CIROZ: variants seen among roughly 807,000 people sequenced by gnomAD.
CIROZ encodes ciliated left-right organizer ZP-N domains-containing protein.
At chr1:10,977,475 T>C in the CIROZ span, among the ~76,000 whole-genome samples, 1 of 152,046 alleles carries the variant, frequency 6.6e-6, no homozygotes, top group South Asian at 2.1e-4. Flanking sequence ...AGAGTAAGAC[T>C]CCATCTCCAA....
At chr1:10,976,082 A>G in the CIROZ span, 1 of 1,263,262 alleles carries the variant, frequency 7.9e-7, no homozygotes, top group South Asian at 1.3e-5. Flanking sequence ...GTCACCCAGC[A>G]GGTTGGTTCT....
the CIROZ span, among the ~76,000 whole-genome samples, chr1:10,961,836 C>T: frequency 7.1e-4 from 108 of 152,186 alleles, no homozygotes; most frequent in Non-Finnish European, 1.3e-3. Flanking sequence ...CTGGTGGTGG[C>T]GCATGCCTGT....
At chr1:10,974,204 G>A in the CIROZ span, among the ~76,000 whole-genome samples, 1 of 152,126 alleles carries the variant, frequency 6.6e-6, no homozygotes, top group African/African-American at 2.4e-5. This position sits in a 1 kb window ranked among gnomAD's most constrained non-coding sequence, Gnocchi z 4.4. Context: ...GGGACTCGTG[G>A]TGCCTCTTTC....
At chr1:10,952,753 C>T in the CIROZ span, among the ~76,000 whole-genome samples, 1 of 152,202 alleles carries the variant, frequency 6.6e-6, no homozygotes, top group Non-Finnish European at 1.5e-5. Context: ...CTCAAGTGAT[C>T]CTCCCACCTT....
chr1:10,977,200 G>T, the CIROZ span, among the ~76,000 whole-genome samples: 1 of 151,972 alleles, frequency 6.6e-6, no homozygotes, highest in Non-Finnish European at 1.5e-5. Flanking sequence ...GCCTCAAAAA[G>T]ATTTTAAATG....
At chr1:10,968,059 T>G in the CIROZ span, among the ~76,000 whole-genome samples, 249 of 152,284 alleles carry the variant, frequency 1.6e-3, 2 homozygotes, top group African/African-American at 5.9e-3. Flanking sequence ...CTCTGGAGGC[T>G]GAAGCAGAAG....
the CIROZ span, chr1:10,966,271 A>AGT: frequency 7.2e-7 from 1 of 1,386,382 alleles, no homozygotes; most frequent in East Asian, 2.5e-5. Flanking sequence ...ATAATGGTGC[A>AGT]GTGTCTCCTT....
the CIROZ span, among the ~76,000 whole-genome samples, chr1:10,955,399 C>T: frequency 3.2e-4 from 49 of 152,244 alleles, 1 homozygote; most frequent in South Asian, 9.8e-3. Context: ...AAAGACCATT[C>T]CCAAACACCT....
At chr1:10,976,845 C>T in the CIROZ span, among the ~76,000 whole-genome samples, 1 of 152,080 alleles carries the variant, frequency 6.6e-6, no homozygotes, top group Admixed American at 6.6e-5. Flanking sequence ...GTGAAAAGAT[C>T]ATCCTCAAAA....
the CIROZ span, chr1:10,957,227 G>A: frequency 2.5e-5 from 19 of 749,044 alleles, no homozygotes; most frequent in East Asian, 5.1e-4. Context: ...AGCCCCAAGT[G>A]TTACAAAGCC....
the CIROZ span, chr1:10,954,237 T>C: frequency 7.3e-6 from 10 of 1,377,312 alleles, no homozygotes; most frequent in Non-Finnish European, 8.8e-6. Context: ...AGGCGGATCA[T>C]GAGGTCAGGA....
chr1:10,978,150 T>C, the CIROZ span, among the ~76,000 whole-genome samples: 1 of 142,798 alleles, frequency 7.0e-6, no homozygotes, highest in Non-Finnish European at 1.5e-5. Flanking sequence ...CCAGCCTGGG[T>C]GACAAGAACA....
At chr1:10,969,837 A>C in the CIROZ span, 13 of 1,307,316 alleles carry the variant, frequency 9.9e-6, no homozygotes, top group Non-Finnish European at 1.2e-5. Flanking sequence ...CTGTGGGGGG[A>C]GGTGGCCTTT....
chr1:10,947,695 C>T, the CIROZ span: 1 of 1,527,576 alleles, frequency 6.5e-7, no homozygotes, highest in Non-Finnish European at 8.8e-7. Context: ...AGCCCCTCCA[C>T]ACTGTCTTGA....
the CIROZ span, chr1:10,948,115 G>C: frequency 6.2e-7 from 1 of 1,613,498 alleles, no homozygotes. Flanking sequence ...GGGTCTGGCT[G>C]CCTCACACTT....
At chr1:10,976,334 TTTC>T in the CIROZ span, 9 of 957,648 alleles carry the variant, frequency 9.4e-6, no homozygotes, top group Non-Finnish European at 1.4e-5. Flanking sequence ...ACTCATTATA[TTTC>T]TTTTTTTTTT....
the CIROZ span, among the ~76,000 whole-genome samples, chr1:10,976,949 G>A: frequency 0.043 from 6,584 of 152,228 alleles, 466 homozygotes; most frequent in African/African-American, 0.15. Context: ...CTTGAGCCCA[G>A]GAGTTCAAGA....
chr1:10,949,469 G>A, the CIROZ span: 1 of 861,426 alleles, frequency 1.2e-6, no homozygotes, highest in Non-Finnish European at 1.8e-6. Context: ...TTCTGAATTT[G>A]AGGAGGTAAC....
chr1:10,979,566 C>T, the CIROZ span, among the ~76,000 whole-genome samples: 2 of 150,566 alleles, frequency 1.3e-5, no homozygotes, highest in African/African-American at 2.5e-5. Context: ...ATTCCTCCAC[C>T]CTTCGACCCA....
Sources: gnomAD v4.1 joint callset for allele counts (sites outside exome capture counted in the v4.1 genomes callset) on GRCh38, gnomAD v4.1.1 for gene constraint, Gnocchi (gnomAD v3.1) non-coding constraint, MANE v1.5 for transcripts, NCBI Gene and HGNC (gene_info 2026-07-23, HGNC 2026-07-21) for gene names.